The following DSCAM variants were observed in gnomAD, a reference collection of about 807,000 sequenced individuals.
The protein encoded by DSCAM is cell adhesion molecule DSCAM.
A neutral mutation model predicts 217.7 loss-of-function variants in DSCAM; 47 were observed. The ratio of observed to expected loss-of-function variants is 0.22; its 90% confidence interval spans 0.17 to 0.28. The LOEUF (loss-of-function observed/expected upper bound fraction) is 0.28. Among genes scored for constraint, DSCAM ranks in the 10% least tolerant of loss-of-function variants. The pLI, the probability that DSCAM is intolerant of heterozygous loss-of-function variation, is 1.00. For synonymous variants in DSCAM, 1,056 were observed against 1,015.3 expected (o/e 1.04, Z -0.76); for missense variants, 2,080 against 2,618.3 (o/e 0.79, Z 4.49).
At chr21:40,345,357 C>T (rs2074546232) in intron 6 of DSCAM, among the ~76,000 whole-genome samples, 1 of 152,032 alleles carries the variant, frequency 6.6e-6, no homozygotes, top group Admixed American at 6.5e-5. Flanking sequence ...CAGATGTGTC[C>T]TCAGTGGAAG....
intron 3 of DSCAM, among the ~76,000 whole-genome samples, chr21:40,399,219 A>G (rs2075210119): frequency 6.6e-6 from 1 of 152,174 alleles, no homozygotes; most frequent in African/African-American, 2.4e-5. Context: ...GCAGAGAGCT[A>G]TGACTGTGCC....
intron 3 of DSCAM, among the ~76,000 whole-genome samples, chr21:40,690,754 G>A (rs1354652133): frequency 6.6e-6 from 1 of 152,106 alleles, no homozygotes; most frequent in Non-Finnish European, 1.5e-5. Flanking sequence ...GGTGAAACAA[G>A]AACAATGAGG....
chr21:40,724,774 A>T (rs1276115726), intron 1 of DSCAM, among the ~76,000 whole-genome samples: 3 of 152,220 alleles, frequency 2.0e-5, no homozygotes, highest in African/African-American at 7.2e-5. Flanking sequence ...ACAAAAAGAC[A>T]TAAATTCTTC....
At chr21:40,247,230 C>T (rs2073238325) in intron 11 of DSCAM, among the ~76,000 whole-genome samples, 1 of 152,150 alleles carries the variant, frequency 6.6e-6, no homozygotes, top group African/African-American at 2.4e-5. Flanking sequence ...TCATTCTACC[C>T]TTGGCCCCTC....
intron 11 of DSCAM, among the ~76,000 whole-genome samples, chr21:40,275,429 C>T (rs897305484): frequency 6.6e-6 from 1 of 152,222 alleles, no homozygotes; most frequent in Non-Finnish European, 1.5e-5. Context: ...AAGCCATTCA[C>T]TGTAAACTAG....
chr21:40,300,269 G>A (rs900743022), intron 9 of DSCAM, among the ~76,000 whole-genome samples: 6 of 152,094 alleles, frequency 3.9e-5, no homozygotes, highest in African/African-American at 1.4e-4. Flanking sequence ...ACCTGTTCCT[G>A]TTCACCATCC....
chr21:40,536,001 G>A (rs990995557), intron 3 of DSCAM, among the ~76,000 whole-genome samples: 1 of 152,198 alleles, frequency 6.6e-6, no homozygotes, highest in Non-Finnish European at 1.5e-5. Flanking sequence ...AAATAAAGAA[G>A]CCCCTACAAG....
In DSCAM at chr21:40,143,326, A is replaced by G. The variant is rs1359080870; in HGVS notation, c.3260-622T>C. On this transcript the variant is annotated intron_variant, in intron 17 of 32. Transcript: ENST00000400454. ...GGGGCGGTGCAAAATACTGGCTGAG[A>G]CACGCATCTTAATGAAAAATGAGCA... Among the ~76,000 whole-genome samples the G allele has an allele frequency of 3.3e-5, 5 of 152,358 alleles. No homozygotes were observed. The East Asian group carries it at 9.6e-4, about 29-fold the overall frequency.
intron 3 of DSCAM, among the ~76,000 whole-genome samples, chr21:40,388,627 A>G (rs1308188168): frequency 6.6e-6 from 1 of 151,292 alleles, no homozygotes; most frequent in Non-Finnish European, 1.5e-5. Flanking sequence ...CACGGGAGTT[A>G]AGGCCATTTT....
At chr21:40,087,747 A>G (rs2089551414) in intron 21 of DSCAM, among the ~76,000 whole-genome samples, 1 of 152,270 alleles carries the variant, frequency 6.6e-6, no homozygotes, top group Admixed American at 6.5e-5. Context: ...CAATTTCCCG[A>G]CTGTATTATA....
intron 1 of DSCAM, 131 bp downstream of exon 1, chr21:40,846,488 C>T (rs570623814): frequency 6.7e-4 from 223 of 332,036 alleles, no homozygotes; most frequent in Admixed American, 9.9e-4. Flanking sequence ...AATAAAAGCA[C>T]GAAATTTTAA....
At chr21:40,296,831 CAA>C (rs58219836) in intron 9 of DSCAM, among the ~76,000 whole-genome samples, 2,979 of 53,534 alleles carry the variant, frequency 0.056, 68 homozygotes, top group African/African-American at 0.16. Flanking sequence ...AACTCCATCT[CAA>C]AAAAAAAAAA....
intron 3 of DSCAM, among the ~76,000 whole-genome samples, chr21:40,649,581 A>G (rs1274153109): frequency 6.6e-6 from 1 of 152,200 alleles, no homozygotes; most frequent in African/African-American, 2.4e-5. Flanking sequence ...AGAAATCCCA[A>G]TGCAATGCCC....
intron 18 of DSCAM, among the ~76,000 whole-genome samples, chr21:40,139,664 G>A (rs926103792): frequency 5.3e-5 from 8 of 152,092 alleles, no homozygotes; most frequent in Non-Finnish European, 8.8e-5. Context: ...GTTTGTGTAC[G>A]TGTGGTGTGG....
chr21:40,116,181 G>A (rs1213280716), intron 20 of DSCAM, among the ~76,000 whole-genome samples: 1 of 152,164 alleles, frequency 6.6e-6, no homozygotes, highest in South Asian at 2.1e-4. Context: ...AGGGTGAGAG[G>A]AGGGGGAGGA....
intron 3 of DSCAM, among the ~76,000 whole-genome samples, chr21:40,646,514 G>C (rs777530264): frequency 6.6e-6 from 1 of 151,996 alleles, no homozygotes. Context: ...GGAGTCCATC[G>C]TGTTGCCCAC....
intron 1 of DSCAM, among the ~76,000 whole-genome samples, chr21:40,822,460 CTT>C (rs948882449): frequency 1.0e-4 from 15 of 146,588 alleles, no homozygotes; most frequent in African/African-American, 3.3e-4. Flanking sequence ...AAAAAAAAGA[CTT>C]TGTTACTTTG....
chr21:40,089,267 A>C (rs1288706723), intron 21 of DSCAM, among the ~76,000 whole-genome samples: 1 of 152,144 alleles, frequency 6.6e-6, no homozygotes, highest in Non-Finnish European at 1.5e-5. Flanking sequence ...CAGCCAAGAG[A>C]ATCCCCTAGA....
chr21:40,699,114 T>C (rs73358377), intron 2 of DSCAM, among the ~76,000 whole-genome samples: 18,809 of 151,514 alleles, frequency 0.12, 1,995 homozygotes, highest in African/African-American at 0.29. Context: ...ATTTTGGTAA[T>C]GCTTACAATA....
Sources: allele counts gnomAD v4.1 joint callset (sites outside exome capture counted in the v4.1 genomes callset), GRCh38; gene constraint gnomAD v4.1.1; transcripts MANE v1.5; gene names NCBI Gene and HGNC (gene_info 2026-07-23, HGNC 2026-07-21).